Variants in CATSPERT observed in about 807,000 individuals in gnomAD.
CATSPERT encodes catsper channel auxiliary subunit tau, also known as cation channel sperm-associated targeting subunit tau.
the CATSPERT span, among the ~76,000 whole-genome samples, chr2:201,538,094 T>A: frequency 5.8e-4 from 88 of 152,152 alleles, no homozygotes; most frequent in Non-Finnish European, 9.6e-4. Flanking sequence ...TAATGTTAAC[T>A]ATCAGCACAA....
chr2:201,497,881 A>G, the CATSPERT span, among the ~76,000 whole-genome samples: 1 of 152,228 alleles, frequency 6.6e-6, no homozygotes, highest in Admixed American at 6.5e-5. Context: ...TATTTCAAAA[A>G]GAAAGAACCA....
the CATSPERT span, among the ~76,000 whole-genome samples, chr2:201,606,024 T>A: frequency 6.6e-6 from 1 of 152,190 alleles, no homozygotes; most frequent in East Asian, 1.9e-4. Flanking sequence ...AAGAGAATGA[T>A]AATGAGATAG....
chr2:201,584,439 A>G, the CATSPERT span, among the ~76,000 whole-genome samples: 1 of 152,186 alleles, frequency 6.6e-6, no homozygotes, highest in South Asian at 2.1e-4. Context: ...ACCAGAGTCC[A>G]AGGAAAGGAA....
chr2:201,560,000 T>C, the CATSPERT span, among the ~76,000 whole-genome samples: 1 of 152,218 alleles, frequency 6.6e-6, no homozygotes, highest in Non-Finnish European at 1.5e-5. Flanking sequence ...CTCAGCGAGA[T>C]ATAAGAGAAT....
chr2:201,523,259 C>T, the CATSPERT span, among the ~76,000 whole-genome samples: 8 of 152,172 alleles, frequency 5.3e-5, no homozygotes, highest in Non-Finnish European at 8.8e-5. Flanking sequence ...AGTATTGTTT[C>T]CCAAGGACCA....
chr2:201,495,099 A>G, the CATSPERT span, among the ~76,000 whole-genome samples: 1 of 152,164 alleles, frequency 6.6e-6, no homozygotes, highest in Non-Finnish European at 1.5e-5. Flanking sequence ...AATGGCTAAC[A>G]TCAGGATCCA....
At chr2:201,543,650 T>C in the CATSPERT span, among the ~76,000 whole-genome samples, 5 of 152,184 alleles carry the variant, frequency 3.3e-5, no homozygotes, top group African/African-American at 4.8e-5. Context: ...CTTTTTTGGA[T>C]AGTTCATTGT....
chr2:201,590,396 T>C, the CATSPERT span, among the ~76,000 whole-genome samples: 1 of 152,126 alleles, frequency 6.6e-6, no homozygotes, highest in East Asian at 1.9e-4. Context: ...TGTTCGACAT[T>C]TGGGTTGGTT....
At chr2:201,497,279 G>A in the CATSPERT span, among the ~76,000 whole-genome samples, 10 of 152,060 alleles carry the variant, frequency 6.6e-5, no homozygotes, top group South Asian at 4.1e-4. Context: ...TGCCAGTATC[G>A]TTCCTCTCCT....
At chr2:201,506,951 A>G in the CATSPERT span, among the ~76,000 whole-genome samples, 1 of 152,216 alleles carries the variant, frequency 6.6e-6, no homozygotes, top group Non-Finnish European at 1.5e-5. Context: ...CTTAAAATTG[A>G]GACACTAATA....
chr2:201,509,641 G>C, the CATSPERT span, among the ~76,000 whole-genome samples: 1 of 150,930 alleles, frequency 6.6e-6, no homozygotes, highest in Non-Finnish European at 1.5e-5. Context: ...ACTCCAAATA[G>C]TGTTATTTTA....
chr2:201,543,951 T>C, the CATSPERT span, among the ~76,000 whole-genome samples: 3 of 152,176 alleles, frequency 2.0e-5, no homozygotes, highest in African/African-American at 7.2e-5. Context: ...GTTGGTGTGC[T>C]GCACCCATTA....
chr2:201,558,907 G>T, the CATSPERT span, among the ~76,000 whole-genome samples: 1 of 152,136 alleles, frequency 6.6e-6, no homozygotes, highest in African/African-American at 2.4e-5. Flanking sequence ...CAGAGCCTGG[G>T]TCTAGTACTA....
the CATSPERT span, chr2:201,575,219 C>T: frequency 7.5e-7 from 1 of 1,329,148 alleles, no homozygotes; most frequent in Non-Finnish European, 1.0e-6. Flanking sequence ...AGTAAAGTTA[C>T]ATGAAATGTT....
chr2:201,558,970 C>G, the CATSPERT span, among the ~76,000 whole-genome samples: 1 of 152,166 alleles, frequency 6.6e-6, no homozygotes, highest in Non-Finnish European at 1.5e-5. Context: ...CACCATACTT[C>G]CAGCTGGAGG....
At chr2:201,493,663 T>C in the CATSPERT span, 15 of 1,537,334 alleles carry the variant, frequency 9.8e-6, no homozygotes, top group East Asian at 3.7e-4. Context: ...AGGTAATTGA[T>C]TTTCCAAGTT....
At chr2:201,588,540 C>T in the CATSPERT span, among the ~76,000 whole-genome samples, 2 of 149,016 alleles carry the variant, frequency 1.3e-5, no homozygotes, top group African/African-American at 4.9e-5. Context: ...TATGGTCCTT[C>T]AATACCTAGT....
the CATSPERT span, among the ~76,000 whole-genome samples, chr2:201,560,483 C>CAAT: frequency 2.1e-4 from 31 of 149,076 alleles, no homozygotes; most frequent in African/African-American, 7.7e-4. Context: ...ACAACAACAA[C>CAAT]AATAATAATA....
At chr2:201,617,061 A>C in the CATSPERT span, among the ~76,000 whole-genome samples, 1 of 152,242 alleles carries the variant, frequency 6.6e-6, no homozygotes, top group Admixed American at 6.5e-5. Context: ...ATAAAAGAGG[A>C]CACAAACAAA....
Sources: gnomAD v4.1 joint callset for allele counts (sites outside exome capture counted in the v4.1 genomes callset) on GRCh38, gnomAD v4.1.1 for gene constraint, MANE v1.5 for transcripts, NCBI Gene and HGNC (gene_info 2026-07-23, HGNC 2026-07-21) for gene names.